Variants in COBL observed in about 807,000 individuals in gnomAD.
The protein encoded by COBL is cordon-bleu WH2 repeat protein.
A neutral mutation model predicts 98.8 loss-of-function variants in COBL; 51 were observed. The ratio of observed to expected loss-of-function variants is 0.52; its 90% CI spans 0.41 to 0.65. The LOEUF is 0.65. Ranked by LOEUF, COBL falls within the 30% of genes least tolerant of loss-of-function variation. The pLI is 0.00. For missense variants in COBL, 1,617 were observed against 1,617.5 expected (o/e 1.00, Z 0.01); for synonymous variants, 634 against 651.7 (o/e 0.97, Z 0.41).
At chr7:51,141,398 G>T (rs1799731785) in intron 5 of COBL, among the ~76,000 whole-genome samples, 1 of 152,154 alleles carries the variant, frequency 6.6e-6, no homozygotes, top group South Asian at 2.1e-4. Flanking sequence ...AGGACATGAT[G>T]TTTGCTGTTT....
At chr7:51,161,818 A>C (rs994110024) in intron 5 of COBL, among the ~76,000 whole-genome samples, 2 of 151,672 alleles carry the variant, frequency 1.3e-5, no homozygotes, top group African/African-American at 4.9e-5. Flanking sequence ...AGTTACTTTC[A>C]AAAGTTCATT....
rs898636656 is a variant in COBL, at chr7:51,089,522, A to C, written c.958-4218T>G. On this transcript the variant is annotated intron_variant, in intron 6 of 12. Transcript: ENST00000265136. Reference sequence around the variant, plus strand: ...AGGGCAAGACTCCGTCTTAAAAAAAAACAAAAAACAAAACACTGTAGTCCC... The same window carrying C: ...AGGGCAAGACTCCGTCTTAAAAAAACACAAAAAACAAAACACTGTAGTCCC... Among the ~76,000 whole-genome samples the C allele has an allele frequency of 5.9e-5, 9 of 152,180 alleles. 1 individual carries two copies. The highest frequency in any genetic ancestry group is 1.3e-4 in the Non-Finnish European group (9 of 68,038).
chr7:51,118,283 A>G (rs1797454243), intron 6 of COBL, among the ~76,000 whole-genome samples: 1 of 152,056 alleles, frequency 6.6e-6, no homozygotes, highest in Non-Finnish European at 1.5e-5. Context: ...AGCGGTTGGG[A>G]GTCCAAGCAT....
chr7:51,211,473 G>A (rs897997039), intron 2 of COBL, among the ~76,000 whole-genome samples: 14 of 152,238 alleles, frequency 9.2e-5, no homozygotes, highest in African/African-American at 3.4e-4. Flanking sequence ...ACCGAGCACA[G>A]TGCCAGGCAT....
intron 1 of COBL, among the ~76,000 whole-genome samples, chr7:51,309,563 G>A (rs189838001): frequency 6.6e-6 from 1 of 152,268 alleles, no homozygotes; most frequent in East Asian, 1.9e-4. Flanking sequence ...CCAGTTGATC[G>A]GTCTGTTCTC....
chr7:51,205,088 C>T (rs1302379800), intron 2 of COBL, among the ~76,000 whole-genome samples: 1 of 152,138 alleles, frequency 6.6e-6, no homozygotes, highest in African/African-American at 2.4e-5. Context: ...CCATATCTCA[C>T]AAAAAGATCT....
intron 11 of COBL, among the ~76,000 whole-genome samples, 181 bp downstream of exon 11, chr7:51,026,365 G>A (rs939244784): frequency 2.0e-5 from 3 of 152,204 alleles, no homozygotes; most frequent in Admixed American, 2.0e-4. Context: ...GCTGCCCCAG[G>A]CTCTTGGAGC....
chr7:51,315,416 G>A (rs559035834), intron 1 of COBL, among the ~76,000 whole-genome samples: 2 of 152,306 alleles, frequency 1.3e-5, no homozygotes, highest in East Asian at 3.9e-4. Flanking sequence ...ACACACTTGG[G>A]CAACACGCCC....
intron 6 of COBL, among the ~76,000 whole-genome samples, chr7:51,103,280 T>C (rs1187508954): frequency 3.3e-5 from 5 of 152,236 alleles, no homozygotes; most frequent in Non-Finnish European, 7.3e-5. Flanking sequence ...TAATGCTTAT[T>C]ATTTATGTGT....
chr7:51,025,136 G>A lies in COBL; in HGVS notation c.3741C>T (p.Ser1247=), dbSNP rs1487511552. ...ARQALMDAIR[S]GTGAARLRKV... ...TTCTCAGTCTCGCAGCCCCTGTGCC[G>A]GAGCGGATGGCGTCCATCAAGGCTT... Residue 1247 remains serine (S), a synonymous_variant, in exon 12 of 13, where the codon TCC becomes TCT. Coordinates refer to ENST00000265136, the MANE Select transcript of COBL (RefSeq NM_015198.5). The A allele has an allele frequency of 1.3e-5, 21 of 1,611,766 alleles. 1 individual carries two copies. The highest frequency in any genetic ancestry group is 2.2e-5 in the East Asian group (1 of 44,856).
intron 2 of COBL, among the ~76,000 whole-genome samples, chr7:51,201,911 C>CA (rs1791166735): frequency 6.6e-6 from 1 of 152,210 alleles, no homozygotes; most frequent in South Asian, 2.1e-4. Flanking sequence ...GAACAACTCA[C>CA]AAATTTAATC....
intron 2 of COBL, among the ~76,000 whole-genome samples, chr7:51,212,089 C>G (rs1036057580): frequency 6.6e-6 from 1 of 152,094 alleles, no homozygotes; most frequent in African/African-American, 2.4e-5. Flanking sequence ...CTCTGTTACC[C>G]CAAATGCCTT....
At chr7:51,224,751 G>A (rs1238522381) in intron 1 of COBL, among the ~76,000 whole-genome samples, 8 of 152,116 alleles carry the variant, frequency 5.3e-5, no homozygotes. Flanking sequence ...TGCCTCCCAG[G>A]TTCAAGTGAT....
intron 6 of COBL, among the ~76,000 whole-genome samples, chr7:51,099,642 A>G (rs2128960940): frequency 6.6e-6 from 1 of 152,344 alleles, no homozygotes; most frequent in Non-Finnish European, 1.5e-5. Flanking sequence ...GTTATGCAAT[A>G]TGAAAAAGTT....
intron 8 of COBL, among the ~76,000 whole-genome samples, chr7:51,038,573 TGGGTCTTTCCAGGTGATGAA>T (rs954959860): frequency 6.6e-6 from 1 of 152,212 alleles, no homozygotes; most frequent in Non-Finnish European, 1.5e-5. Context: ...CTTACACACT[TGGGTCTTTCCAGGTGATGAA>T]GGGTCTTAAG....
At chr7:51,274,982 C>G (rs939924311) in intron 1 of COBL, among the ~76,000 whole-genome samples, 2 of 152,288 alleles carry the variant, frequency 1.3e-5, no homozygotes, top group East Asian at 3.9e-4. Context: ...CCGATATTAA[C>G]AAATTAAAAT....
At chr7:51,207,218 G>C (rs1011128161) in intron 2 of COBL, among the ~76,000 whole-genome samples, 11 of 151,256 alleles carry the variant, frequency 7.3e-5, no homozygotes, top group African/African-American at 2.4e-4. Flanking sequence ...TTTCCCAATA[G>C]GTACTTGGTA....
chr7:51,292,803 C>G (rs1228635809), intron 1 of COBL, among the ~76,000 whole-genome samples: 2 of 152,230 alleles, frequency 1.3e-5, no homozygotes, highest in Admixed American at 6.5e-5. Context: ...CCCTGCAGGC[C>G]CCGAGCAGCC....
intron 1 of COBL, among the ~76,000 whole-genome samples, chr7:51,224,579 A>G (rs1793999504): frequency 6.6e-6 from 1 of 152,154 alleles, no homozygotes; most frequent in African/African-American, 2.4e-5. Context: ...AAAAAAAAAA[A>G]TGCTGTACTG....
Sources: gnomAD v4.1 joint callset for allele counts (sites outside exome capture counted in the v4.1 genomes callset) on GRCh38, gnomAD v4.1.1 for gene constraint, MANE v1.5 for transcripts, NCBI Gene and HGNC (gene_info 2026-07-23, HGNC 2026-07-21) for gene names.